The following S1PR3 variants were observed in gnomAD, a reference collection of about 807,000 sequenced individuals.
The protein encoded by S1PR3 is sphingosine-1-phosphate receptor 3.
Under a neutral mutation model 13.3 loss-of-function variants are expected in S1PR3, and 12 were observed. That is an observed-to-expected ratio of 0.90 (90% CI 0.58 to 1.46). The LOEUF is 1.46. S1PR3 is among the 40% of genes most tolerant of loss of function. The pLI is 0.00. For synonymous variants in S1PR3, 232 were observed against 214.0 expected (o/e 1.08, Z -0.73); for missense variants, 450 against 501.9 (o/e 0.90, Z 0.99).
At chr9:88,995,410 A>G (rs1324833451) in intron 1 of S1PR3, 2 of 167,058 alleles carry the variant, frequency 1.2e-5, no homozygotes, top group Non-Finnish European at 2.9e-5. Context: ...GCACATCTGG[A>G]ATCCATCCGG....
chr9:89,002,112 G>A lies in S1PR3; in HGVS notation c.912G>A (p.Glu304=). The A allele has an allele frequency of 6.2e-7, 1 of 1,613,930 alleles. No homozygotes were observed. The highest frequency in any genetic ancestry group is 8.5e-7 in the Non-Finnish European group (1 of 1,180,040). ...NPVIYTLASK[E]MRRAFFRLVC... is the part of the protein sequence containing the mutation. Reference sequence around the variant, plus strand: ...TCATCTACACGCTGGCCAGCAAGGAGATGCGGCGGGCCTTCTTCCGTCTGG... The same window carrying A: ...TCATCTACACGCTGGCCAGCAAGGAAATGCGGCGGGCCTTCTTCCGTCTGG... The change falls in exon 2 of 2, where the codon GAG becomes GAA. Residue 304 remains glutamate, a synonymous_variant. Coordinates refer to ENST00000358157, the MANE Select transcript of S1PR3 (RefSeq NM_005226.4).
Position 88,991,607 on chromosome 9 carries a change from T to A in S1PR3, c.-236T>A, listed in dbSNP as rs11795137. The A allele has an allele frequency of 0.046, 70,497 of 1,542,030 alleles. 1,866 individuals are homozygous for A. Among genetic ancestry groups the A allele is most frequent in the Middle Eastern group, 0.054 (314 of 5,816 alleles). ...AGACTGCCGGGCCTCCCAGCCCATC[T>A]GGCATTCGAGCGCAGGACCGGGCGC... On this transcript the variant is annotated 5_prime_UTR_variant, in exon 1 of 2. Coordinates refer to ENST00000358157, the MANE Select transcript of S1PR3 (RefSeq NM_005226.4). The surrounding 1 kb of genome is among the most constrained non-coding windows in gnomAD (Gnocchi z 4.0).
Position 89,001,347 on chromosome 9 carries a change from C to G in S1PR3, c.147C>G (p.Ile49Met). The change falls in exon 2 of 2, where the codon ATC becomes ATG. Residue 49 changes from isoleucine (I) to methionine (M), a missense_variant. By Grantham distance (10) the Ile-to-Met change is conservative. Coordinates refer to ENST00000358157, the MANE Select transcript of S1PR3 (RefSeq NM_005226.4). ...TCACCACCGTGCTCTTCTTGGTCAT[C>G]TGCAGCTTCATCGTCTTGGAGAACC... Reference protein sequence around the residue: ...STLTTVLFLVICSFIVLENLM... With the variant: ...STLTTVLFLVMCSFIVLENLM... 1 of 1,614,246 alleles carries G rather than the reference C, an allele frequency of 6.2e-7. No homozygotes were observed. Among genetic ancestry groups the G allele is most frequent in the South Asian group, 1.1e-5 (1 of 91,088 alleles).
intron 1 of S1PR3, chr9:89,000,103 A>G (rs1021063609): frequency 1.3e-5 from 2 of 152,226 alleles, no homozygotes; most frequent in African/African-American, 4.8e-5. Context: ...CGTCATCAAC[A>G]TCACAGAAGG....
At position 88,991,561 on chromosome 9, in the gene S1PR3, G is replaced by A. The variant is rs1825704654; in HGVS notation, c.-282G>A. The A allele has an allele frequency of 6.5e-7, 1 of 1,545,688 alleles. No homozygotes were observed. Among genetic ancestry groups the A allele is most frequent in the Non-Finnish European group, 8.7e-7 (1 of 1,145,468 alleles). On this transcript the variant is annotated 5_prime_UTR_variant, in exon 1 of 2. Coordinates refer to ENST00000358157, the MANE Select transcript of S1PR3 (RefSeq NM_005226.4). This position sits in a 1 kb window ranked among gnomAD's most constrained non-coding sequence, Gnocchi z 4.0. ...GCGACCGAGCAGGACCCCAGGCCCG[G>A]GAACGACGTCGCGAGCGCTGAGACT...
At chr9:88,994,079 C>T (rs2118583784) in intron 1 of S1PR3, 1 of 167,254 alleles carries the variant, frequency 6.0e-6, no homozygotes, top group Middle Eastern at 3.4e-3. Context: ...GTCTCTAAAA[C>T]ATGCCAGAGA....
upstream of S1PR3, chr9:88,991,054 C>CA (rs1825685102): frequency 6.2e-7 from 1 of 1,613,406 alleles, no homozygotes; most frequent in African/African-American, 1.3e-5. This position sits in a 1 kb window ranked among gnomAD's most constrained non-coding sequence, Gnocchi z 4.0. Flanking sequence ...AGAATCGGCC[C>CA]AAACAAACCC....
In S1PR3 at chr9:89,001,102, G is replaced by C; in HGVS notation, c.-99G>C. On this transcript the variant is annotated 5_prime_UTR_variant, in exon 2 of 2. The change abolishes the stop of an existing upstream ORF in the 5' untranslated region. Transcript: ENST00000358157. Reference sequence around the variant, plus strand: ...TGGAGTCTGGCCTGCACGCCTTGCTGAATGAAGCCGGAACCTCAGCCCCGC... The same window carrying C: ...TGGAGTCTGGCCTGCACGCCTTGCTCAATGAAGCCGGAACCTCAGCCCCGC... The C allele has an allele frequency of 7.1e-7, 1 of 1,415,410 alleles. No individual in the cohort carries two copies. The highest frequency in any genetic ancestry group is 1.3e-5 in the South Asian group (1 of 75,536). The allele number at this position is 1,415,410 out of a possible 1,614,324, so 87.7% of individuals were successfully genotyped here.
rs779370603 is a variant in S1PR3 at position 89,002,161 on chromosome 9, CG to C, written c.967del (p.Ala323ProfsTer84). On this transcript the variant is annotated frameshift_variant, in exon 2 of 2. Coordinates refer to ENST00000358157, the MANE Select transcript of S1PR3 (RefSeq NM_005226.4). LOFTEE classifies it low-confidence loss of function (END_TRUNC). ...RLVCNCLVRG[R>X]GARASPIQPA... is the part of the protein sequence containing the mutation. ...GGTCTGCAACTGCCTGGTCAGGGGA[CG>C]GGGGGCCCGCGCCTCACCCATCCAG... 1.9e-6 allele frequency: 3 copies of C among 1,613,792 alleles called. No homozygotes were observed. The highest frequency in any genetic ancestry group is 4.5e-5 in the East Asian group (2 of 44,832).
In S1PR3 at chr9:89,001,237, C is replaced by T. The variant is rs760132180; in HGVS notation, c.37C>T (p.Arg13Trp). 1.9e-6 allele frequency: 3 copies of T among 1,613,760 alleles called. No homozygotes were observed. The highest frequency in any genetic ancestry group is 2.2e-5 in the East Asian group (1 of 44,864). ...TALPPRLQPV[R>W]GNETLREHYQ... ...CCTCCCGCCGCGTCTCCAGCCGGTGCGGGGGAACGAGACCCTGCGGGAGCA... is the reference window on the plus strand; with the variant it reads ...CCTCCCGCCGCGTCTCCAGCCGGTGTGGGGGAACGAGACCCTGCGGGAGCA... The change falls in exon 2 of 2, where the codon CGG becomes TGG. Residue 13 changes from arginine to tryptophan, a missense_variant. Coordinates refer to ENST00000358157, the MANE Select transcript of S1PR3 (RefSeq NM_005226.4).
At chr9:88,998,117 G>T (rs1196829236) in intron 1 of S1PR3, 1 of 152,198 alleles carries the variant, frequency 6.6e-6, no homozygotes, top group African/African-American at 2.4e-5. Flanking sequence ...TGGAAACCCA[G>T]CAAAGTGAAA....
At chr9:88,992,738 A>C (rs1825738219) in intron 1 of S1PR3, 1 of 152,448 alleles carries the variant, frequency 6.6e-6, no homozygotes, top group Non-Finnish European at 1.5e-5. Context: ...GGCCATGCCC[A>C]GGGCTGGTGT....
chr9:88,992,563 T>C (rs73496035), intron 1 of S1PR3: 3,444 of 152,820 alleles, frequency 0.023, 137 homozygotes, highest in African/African-American at 0.078. Context: ...AATCTGGACA[T>C]TAGAAGTCAC....
chr9:89,001,148 C>A lies in S1PR3; in HGVS notation c.-53C>A. 6.3e-7 allele frequency: 1 copy of A among 1,584,070 alleles called. No individual in the cohort carries two copies. On this transcript the variant is annotated 5_prime_UTR_variant, in exon 2 of 2. Coordinates refer to ENST00000358157, the MANE Select transcript of S1PR3 (RefSeq NM_005226.4). ...CCCGCTTCCCTTTGAAATGAATGTT[C>A]CTGGGGCGCCCTCTCGTGGATTTTG...
Position 89,003,738 on chromosome 9 carries a change from C to A in S1PR3, c.*1401C>A, listed in dbSNP as rs1030394868. 6.0e-6 allele frequency: 1 copy of A among 166,602 alleles called. No individual in the cohort carries two copies. The highest frequency in any genetic ancestry group is 2.4e-5 in the African/African-American group (1 of 41,464). The allele number at this position is 166,602 out of a possible 1,614,324, so 10.3% of individuals were successfully genotyped here. ...AACCAACCAGCGTTCAAAGGAACCT[C>A]CCATCAGAGTCCCCTAAAGTATTTT... On this transcript the variant is annotated 3_prime_UTR_variant, in exon 2 of 2. Coordinates refer to ENST00000358157, the MANE Select transcript of S1PR3 (RefSeq NM_005226.4).
Position 89,004,988 on chromosome 9 carries a change from C to T in S1PR3, c.*2651C>T, listed in dbSNP as rs940934021. ...TTTGTTAAAAATAATAATAATAAAA[C>T]CAAAAGCCTTTGTGGAAACCCACTC... is the stretch of plus-strand genomic sequence containing the variant. On this transcript the variant is annotated 3_prime_UTR_variant, in exon 2 of 2. Coordinates refer to ENST00000358157, the MANE Select transcript of S1PR3 (RefSeq NM_005226.4). The T allele has an allele frequency of 6.0e-6, 1 of 166,814 alleles. No individual in the cohort carries two copies. Among genetic ancestry groups the T allele is most frequent in the South Asian group, 2.1e-4 (1 of 4,832 alleles). The allele number at this position is 166,814 out of a possible 1,614,324, so 10.3% of individuals were successfully genotyped here.
At position 88,991,485 on chromosome 9, in the gene S1PR3, G is replaced by C; in HGVS notation, c.-358G>C. On this transcript the variant is annotated 5_prime_UTR_variant, in exon 1 of 2. Transcript: ENST00000358157. This position sits in a 1 kb window ranked among gnomAD's most constrained non-coding sequence, Gnocchi z 4.0. ...GCTCGGGCAGAGGCCGAGGAAGCCG[G>C]TTCCGGGGACGGGCAACAGGGACTC... 2 of 1,547,846 alleles carry C rather than the reference G, an allele frequency of 1.3e-6. No homozygotes were observed. Among genetic ancestry groups the C allele is most frequent in the Non-Finnish European group, 1.7e-6 (2 of 1,145,946 alleles).
chr9:89,000,351 A>G (rs1301072887), intron 1 of S1PR3: 1 of 152,190 alleles, frequency 6.6e-6, no homozygotes, highest in Non-Finnish European at 1.5e-5. Context: ...TCCTTCCTTT[A>G]TCATCTGTAG....
rs1825895567 is a variant in S1PR3 at position 89,003,392 on chromosome 9, T to A, written c.*1055T>A. On this transcript the variant is annotated 3_prime_UTR_variant, in exon 2 of 2. Coordinates refer to ENST00000358157, the MANE Select transcript of S1PR3 (RefSeq NM_005226.4). ...TGTGGCCACCGGCAGTTTCACAGCA[T>A]CCTGAAAGCTGGCACTGATCGTGAC... 1 of 167,118 alleles carries A rather than the reference T, an allele frequency of 6.0e-6. No homozygotes were observed. The highest frequency in any genetic ancestry group is 1.5e-5 in the Non-Finnish European group (1 of 68,124). The allele number at this position is 167,118 out of a possible 1,614,324, so 10.4% of individuals were successfully genotyped here.
Sources: allele counts gnomAD v4.1 joint callset, GRCh38; gene constraint gnomAD v4.1.1; non-coding constraint Gnocchi (gnomAD v3.1); transcripts MANE v1.5; gene names NCBI Gene and HGNC (gene_info 2026-07-23, HGNC 2026-07-21).